The following SMARCC1 variants were observed in gnomAD, a reference collection of about 807,000 sequenced individuals.
The protein encoded by SMARCC1 is SWI/SNF complex subunit SMARCC1.
In SMARCC1, 43 loss-of-function variants were observed where a neutral mutation model predicts 147.4. The ratio of observed to expected loss-of-function variants is 0.29; its 90% CI spans 0.23 to 0.38. The LOEUF is 0.38. SMARCC1 is among the 10% of genes least tolerant of loss of function. The pLI, the probability that SMARCC1 is intolerant of heterozygous loss-of-function variation, is 1.00. For synonymous variants in SMARCC1, 495 were observed against 484.4 expected (o/e 1.02, Z -0.29); for missense variants, 1,119 against 1,381.1 (o/e 0.81, Z 3.01).
chr3:47,702,119 A>T (rs909687122), intron 10 of SMARCC1, among the ~76,000 whole-genome samples: 6 of 152,178 alleles, frequency 3.9e-5, no homozygotes, highest in African/African-American at 1.4e-4. Flanking sequence ...AACTACAAGT[A>T]GAATCCCTAA....
At chr3:47,664,178 T>TA (rs869131579) in intron 19 of SMARCC1, among the ~76,000 whole-genome samples, 1,196 of 98,960 alleles carry the variant, frequency 0.012, 7 homozygotes, top group South Asian at 0.018. Flanking sequence ...TAATAAACTC[T>TA]AAAAAAAAAA....
intron 3 of SMARCC1, among the ~76,000 whole-genome samples, chr3:47,745,359 T>G (rs1482704412): frequency 6.6e-6 from 1 of 152,168 alleles, no homozygotes; most frequent in African/African-American, 2.4e-5. Context: ...CCTTCTAATT[T>G]GCTAACAATG....
intron 5 of SMARCC1, among the ~76,000 whole-genome samples, chr3:47,730,312 A>G (rs548213203): frequency 1.3e-5 from 2 of 152,320 alleles, no homozygotes; most frequent in Admixed American, 1.3e-4. Flanking sequence ...ACACAGTGAG[A>G]CCTTGTCTCA....
At chr3:47,622,162 A>G (rs759035316) in intron 25 of SMARCC1, 45 bp downstream of exon 25, 31 of 1,555,220 alleles carry the variant, frequency 2.0e-5, no homozygotes, top group Non-Finnish European at 2.6e-5. Context: ...AAAAGTGACC[A>G]AGGTTTAATT....
chr3:47,605,712 G>T (rs939747838), intron 26 of SMARCC1, among the ~76,000 whole-genome samples: 4 of 152,188 alleles, frequency 2.6e-5, no homozygotes, highest in Non-Finnish European at 4.4e-5. Flanking sequence ...GGTTGAGGCT[G>T]CAGTGAGCCC....
chr3:47,723,269 TAC>T (rs1164258469), intron 6 of SMARCC1, among the ~76,000 whole-genome samples: 2 of 151,270 alleles, frequency 1.3e-5, no homozygotes, highest in African/African-American at 4.9e-5. Context: ...TAATGTAAAA[TAC>T]AGTTAATAAT....
chr3:47,658,253 C>A (rs1397957188), intron 21 of SMARCC1, among the ~76,000 whole-genome samples: 1 of 152,212 alleles, frequency 6.6e-6, no homozygotes, highest in Non-Finnish European at 1.5e-5. Context: ...ATATAATTCA[C>A]ATACTATAGA....
chr3:47,693,468 A>T (rs1403283107), intron 11 of SMARCC1, among the ~76,000 whole-genome samples, 168 bp from the exon 12 acceptor site: 1 of 152,236 alleles, frequency 6.6e-6, no homozygotes, highest in African/African-American at 2.4e-5. Context: ...AATATTTAAC[A>T]GACTATATTC....
At chr3:47,751,783 T>A (rs1011419807) in intron 2 of SMARCC1, among the ~76,000 whole-genome samples, 1 of 151,742 alleles carries the variant, frequency 6.6e-6, no homozygotes, top group African/African-American at 2.4e-5. Flanking sequence ...ATAATGAAGT[T>A]CAACGAGATA....
intron 14 of SMARCC1, 42 bp from the exon 15 acceptor site, chr3:47,680,550 T>TTC (rs2033630952): frequency 8.0e-7 from 1 of 1,255,192 alleles, no homozygotes; most frequent in Non-Finnish European, 1.1e-6. Flanking sequence ...TGTTCTTTTT[T>TTC]TTTTTTTTTT....
At chr3:47,619,977 T>C (rs2106682188) in intron 25 of SMARCC1, among the ~76,000 whole-genome samples, 1 of 152,294 alleles carries the variant, frequency 6.6e-6, no homozygotes, top group Admixed American at 6.5e-5. Context: ...AGAAGATACT[T>C]AGGCAAATGT....
intron 2 of SMARCC1, among the ~76,000 whole-genome samples, chr3:47,757,108 G>A (rs1211696389): frequency 6.6e-6 from 1 of 152,028 alleles, no homozygotes; most frequent in East Asian, 1.9e-4. Context: ...AAAATTATCC[G>A]GGTGTGGTGG....
intron 25 of SMARCC1, among the ~76,000 whole-genome samples, chr3:47,619,727 T>C (rs2032699646): frequency 6.6e-6 from 1 of 152,184 alleles, no homozygotes; most frequent in African/African-American, 2.4e-5. Context: ...ATGTACAGCA[T>C]GGAGTGAGAA....
intron 26 of SMARCC1, among the ~76,000 whole-genome samples, chr3:47,608,780 T>C (rs2032518294): frequency 6.8e-6 from 1 of 147,072 alleles, no homozygotes; most frequent in Non-Finnish European, 1.5e-5. Flanking sequence ...GCCTGGGAGG[T>C]TGAGGCTGCA....
At chr3:47,669,264 C>T (rs1461702120) in intron 19 of SMARCC1, among the ~76,000 whole-genome samples, 1 of 152,136 alleles carries the variant, frequency 6.6e-6, no homozygotes, top group Non-Finnish European at 1.5e-5. Flanking sequence ...GTCATTCTTA[C>T]CTCACTTTTA....
chr3:47,626,531 C>T (rs148460651), intron 24 of SMARCC1, among the ~76,000 whole-genome samples: 162 of 151,444 alleles, frequency 1.1e-3, no homozygotes, highest in African/African-American at 3.7e-3. Flanking sequence ...AATGGCAGAG[C>T]TGGAACTAAA....
chr3:47,693,231 A>G lies in SMARCC1; in HGVS notation c.1225+10T>C, dbSNP rs917951277. The G allele has an allele frequency of 1.0e-5, 15 of 1,492,412 alleles. No individual in the cohort carries two copies. The African/African-American group carries it at 2.1e-4, about 21-fold the overall frequency. 92.4% of individuals were successfully genotyped at this position (1,492,412 alleles called of 1,614,324 possible). A position where few individuals can be genotyped will look rare whatever the true frequency, so the allele number is the denominator to read the frequency against. On this transcript the variant is annotated intron_variant, in intron 12 of 27. Transcript: ENST00000254480. Reference sequence around the variant, plus strand: ...AAGCACAGACCAGTGTATAGATTTTAGGTGCTTACCTAGATCCGCTACAGT... The same window carrying G: ...AAGCACAGACCAGTGTATAGATTTTGGGTGCTTACCTAGATCCGCTACAGT...
intron 11 of SMARCC1, among the ~76,000 whole-genome samples, chr3:47,698,707 A>C (rs1210915681): frequency 6.6e-6 from 1 of 152,134 alleles, no homozygotes; most frequent in East Asian, 1.9e-4. Flanking sequence ...GCTGGTGCTA[A>C]AACTTACATG....
intron 3 of SMARCC1, among the ~76,000 whole-genome samples, chr3:47,743,762 G>C (rs567387514): frequency 2.0e-5 from 3 of 149,146 alleles, no homozygotes; most frequent in African/African-American, 7.4e-5. Context: ...GCAGTGAGCC[G>C]AGATTACACC....
Sources: gnomAD v4.1 joint callset for allele counts (sites outside exome capture counted in the v4.1 genomes callset) on GRCh38, gnomAD v4.1.1 for gene constraint, MANE v1.5 for transcripts, NCBI Gene and HGNC (gene_info 2026-07-23, HGNC 2026-07-21) for gene names.